The following OR7G3 variants were observed in gnomAD, a reference collection of about 807,000 sequenced individuals.
OR7G3 encodes the protein olfactory receptor family 7 subfamily G member 3, also known as olfactory receptor 7G3.
For synonymous variants in OR7G3, 143 were observed against 157.6 expected, an observed-to-expected ratio of 0.91 and a Z score of 0.69; for missense variants, 352 against 372.1, an observed-to-expected ratio of 0.95 and a Z score of 0.44.
At position 9,126,918 on chromosome 19, in the gene OR7G3, T is replaced by C; in HGVS notation, c.33A>G (p.Glu11=). MKAGNFSDTP[E]FFLLGLSGDP... The stretch of plus-strand genomic sequence containing the variant: ...CCCCTGACAATCCCAAGAGAAAGAA[T>C]TCTGGAGTGTCTGAGAAGTTTCCTG... Residue 11 remains glutamate (E), a synonymous_variant, in exon 1 of 1, where the codon GAA becomes GAG. Coordinates refer to ENST00000305444, the MANE Select transcript of OR7G3 (RefSeq NM_001001958.1). 1.9e-6 allele frequency: 3 copies of C among 1,597,594 alleles called. No homozygotes were observed. Among genetic ancestry groups the C allele is most frequent in the South Asian group, 1.1e-5 (1 of 88,242 alleles).
Sources: allele counts gnomAD v4.1 joint callset, GRCh38; gene constraint gnomAD v4.1.1; transcripts MANE v1.5; gene names NCBI Gene and HGNC (gene_info 2026-07-23, HGNC 2026-07-21).